MVK: variants seen among roughly 807,000 people sequenced by gnomAD.
MVK encodes LH receptor mRNA-binding protein.
Under a neutral mutation model 43.2 loss-of-function variants are expected in MVK, and 34 were observed. The ratio of observed to expected loss-of-function variants is 0.79; its 90% CI spans 0.60 to 1.05. The LOEUF (loss-of-function observed/expected upper bound fraction) is 1.05, where lower values mean the gene tolerates loss of function less well. Among genes scored for constraint, MVK ranks in the 50% least tolerant of loss-of-function variants. The pLI is 0.00. For synonymous variants in MVK, 190 were observed against 219.8 expected (o/e 0.86, Z 1.20); for missense variants, 395 against 504.0 (o/e 0.78, Z 2.07).
chr12:109,592,519 C>T (rs1192873312), intron 9 of MVK, among the ~76,000 whole-genome samples: 1 of 152,230 alleles, frequency 6.6e-6, no homozygotes, highest in African/African-American at 2.4e-5. Flanking sequence ...CTCCCGGTCC[C>T]CCGTGGGCAT....
In MVK at chr12:109,582,340, G is replaced by C. The variant is rs1215454625; in HGVS notation, c.527+790G>C. On this transcript the variant is annotated intron_variant, in intron 5 of 10. Coordinates refer to ENST00000228510, the MANE Select transcript of MVK (RefSeq NM_000431.4). ...TTTTTGTTTGTTTGTTTGTTTGTTT[G>C]TTTGTTTGTTTTTTGAGATGGAGTC... Among the ~76,000 whole-genome samples the C allele has an allele frequency of 2.0e-5, 3 of 151,936 alleles. No homozygotes were observed. In the South Asian group the frequency reaches 6.2e-4, roughly 32 times the overall value.
At chr12:109,573,767 A>G, upstream of MVK, 1 of 481,766 alleles carries the variant, frequency 2.1e-6, no homozygotes, top group South Asian at 2.1e-5. Flanking sequence ...CCTGAAGTAC[A>G]ACGCCTCCTC....
At chr12:109,584,772 C>T (rs1201581469) in intron 5 of MVK, among the ~76,000 whole-genome samples, 1 of 152,194 alleles carries the variant, frequency 6.6e-6, no homozygotes, top group Non-Finnish European at 1.5e-5. Flanking sequence ...GTAATCCCAG[C>T]TACTCGGGAG....
chr12:109,596,278 G>A (rs1322262490), intron 10 of MVK, 148 bp from the exon 11 acceptor site: 19 of 1,161,156 alleles, frequency 1.6e-5, no homozygotes, highest in Non-Finnish European at 2.2e-5. Flanking sequence ...AGGGGCTGCA[G>A]GTAACCTTGG....
In MVK at chr12:109,574,961, A is replaced by G. The variant is rs61940512; in HGVS notation, c.78+61A>G. On this transcript the variant is annotated intron_variant, in intron 2 of 10. Coordinates refer to ENST00000228510, the MANE Select transcript of MVK (RefSeq NM_000431.4). The stretch of plus-strand genomic sequence containing the variant: ...CCCTTCTCCCTGATGCTAATTTTGT[A>G]AGAAGGTAAAAGGACACCCTGAGGC... 137,392 of 1,500,248 alleles carry G rather than the reference A, an allele frequency of 0.092. 7,402 individuals are homozygous for G. Among genetic ancestry groups the G allele is most frequent in the African/African-American group, 0.24 (17,111 of 72,480 alleles). 92.9% of individuals were successfully genotyped at this position (1,500,248 alleles called of 1,614,324 possible).
intron 3 of MVK, chr12:109,579,246 C>T (rs1885102981): frequency 4.5e-6 from 2 of 440,558 alleles, no homozygotes; most frequent in Admixed American, 2.5e-5. Flanking sequence ...CTCAAGCGAT[C>T]CTCCTGCCTC....
At chr12:109,587,079 G>A in intron 7 of MVK, 2 of 464,754 alleles carry the variant, frequency 4.3e-6, no homozygotes, top group Non-Finnish European at 8.0e-6. Flanking sequence ...ATTCATTCCT[G>A]TATTTGCTTA....
chr12:109,586,028 C>G lies in MVK; in HGVS notation c.534C>G (p.Thr178=), dbSNP rs749860412. ...LKDGDCVNRW[T]KEDLELINKW... ...TGAACATCTGTGTCTTCAGGTGGACCAAGGAGGATTTGGAGCTAATTAACA... is the reference window on the plus strand; with the variant it reads ...TGAACATCTGTGTCTTCAGGTGGACGAAGGAGGATTTGGAGCTAATTAACA... Residue 178 remains threonine (T), a synonymous_variant, in exon 6 of 11, where the codon ACC becomes ACG. Coordinates refer to ENST00000228510, the MANE Select transcript of MVK (RefSeq NM_000431.4). The G allele has an allele frequency of 2.5e-6, 4 of 1,613,626 alleles. No individual in the cohort carries two copies. In the Admixed American group the frequency reaches 6.7e-5, roughly 27 times the overall value.
chr12:109,577,069 G>C (rs1201700755), intron 3 of MVK, among the ~76,000 whole-genome samples: 1 of 152,124 alleles, frequency 6.6e-6, no homozygotes, highest in African/African-American at 2.4e-5. Context: ...AAGATTGATA[G>C]AGACAGGGAG....
In MVK at chr12:109,587,141, G is replaced by T. The variant is rs573967254; in HGVS notation, c.677+342G>T. 7 of 342,504 alleles carry T rather than the reference G, an allele frequency of 2.0e-5. No homozygotes were observed. In the Admixed American group the frequency reaches 2.7e-4, roughly 13 times the overall value. The allele number at this position is 342,504 out of a possible 1,614,324, so 21.2% of individuals were successfully genotyped here. On this transcript the variant is annotated intron_variant, in intron 7 of 10. Transcript: ENST00000228510. ...GTTCCCGATGATGCTGCACTGGGGCGTAGGAATGGAGAGATGAAGCTTGGG... is the reference window on the plus strand; with the variant it reads ...GTTCCCGATGATGCTGCACTGGGGCTTAGGAATGGAGAGATGAAGCTTGGG...
At chr12:109,576,695 A>ACC (rs1243931012) in intron 3 of MVK, among the ~76,000 whole-genome samples, 2 of 152,042 alleles carry the variant, frequency 1.3e-5, no homozygotes, top group African/African-American at 4.8e-5. Flanking sequence ...ACATGTCGAA[A>ACC]CCATGTCTCT....
intron 9 of MVK, among the ~76,000 whole-genome samples, chr12:109,592,305 G>GCTC (rs1003341698): frequency 5.9e-5 from 9 of 152,212 alleles, no homozygotes; most frequent in African/African-American, 2.2e-4. Flanking sequence ...AAGAGCCCAG[G>GCTC]CTCCCCCTGG....
chr12:109,595,258 G>C lies in MVK; in HGVS notation c.1039+77G>C. 1 of 1,578,040 alleles carries C rather than the reference G, an allele frequency of 6.3e-7. No individual in the cohort carries two copies. Among genetic ancestry groups the C allele is most frequent in the Non-Finnish European group, 8.6e-7 (1 of 1,164,264 alleles). On this transcript the variant is annotated intron_variant, in intron 10 of 10. Transcript: ENST00000228510. This position sits in a 1 kb window ranked among gnomAD's most constrained non-coding sequence, Gnocchi z 5.9. ...TCCACCTGGAGAATTCCCTTGAAAG[G>C]AAAAAGAGACCTGGAAACAGGTCTC...
intron 7 of MVK, chr12:109,588,612 C>G (rs1046229542): frequency 1.7e-4 from 26 of 152,294 alleles, no homozygotes; most frequent in African/African-American, 6.3e-4. Context: ...AGTCACTTCT[C>G]CCAGACCTCC....
chr12:109,574,820 G>C lies in MVK; in HGVS notation c.-3G>C. The C allele has an allele frequency of 6.3e-7, 1 of 1,599,230 alleles. No homozygotes were observed. The highest frequency in any genetic ancestry group is 8.5e-7 in the Non-Finnish European group (1 of 1,172,204). On this transcript the variant is annotated 5_prime_UTR_variant, in exon 2 of 11. Transcript: ENST00000228510. ...GCTTTCCCTTTTAGGATTCCCAGGA[G>C]CCATGTTGTCAGAAGTCCTACTGGT...
Position 109,576,459 on chromosome 12 carries a change from A to C in MVK, c.226+314A>C, listed in dbSNP as rs370810480. ...ATGATAGAAAAGGTCTCGGGGGCAT[A>C]GACATCAGATTGGCAGTGGTGATTA... On this transcript the variant is annotated intron_variant, in intron 3 of 10. Coordinates refer to ENST00000228510, the MANE Select transcript of MVK (RefSeq NM_000431.4). 1.9e-3 allele frequency among the ~76,000 whole-genome samples: 289 copies of C among 152,314 alleles called. 4 individuals are homozygous for C. Among genetic ancestry groups the C allele is most frequent in the African/African-American group, 6.6e-3 (273 of 41,570 alleles).
chr12:109,580,644 T>C (rs999009382), intron 4 of MVK, among the ~76,000 whole-genome samples: 4 of 151,960 alleles, frequency 2.6e-5, no homozygotes, highest in Admixed American at 6.6e-5. Context: ...CTGGGTGGGG[T>C]GGGTACGTGG....
At chr12:109,590,681 A>G in intron 7 of MVK, 90 bp from the exon 8 acceptor site, 2 of 1,152,472 alleles carry the variant, frequency 1.7e-6, no homozygotes, top group Admixed American at 3.4e-5. Context: ...CCTCCGTATC[A>G]GGGTGGGCGG....
Position 109,595,316 on chromosome 12 carries a change from A to G in MVK, c.1039+135A>G. Reference sequence around the variant, plus strand: ...CTGTGTGGCCTTGGGCAAGTTAGTTAACCTCTGGTCTTTGCTTCCTCATTG... The same window carrying G: ...CTGTGTGGCCTTGGGCAAGTTAGTTGACCTCTGGTCTTTGCTTCCTCATTG... On this transcript the variant is annotated intron_variant, in intron 10 of 10. Coordinates refer to ENST00000228510, the MANE Select transcript of MVK (RefSeq NM_000431.4). The surrounding 1 kb of genome is among the most constrained non-coding windows in gnomAD (Gnocchi z 5.9). 3 of 1,112,782 alleles carry G rather than the reference A, an allele frequency of 2.7e-6. No individual in the cohort carries two copies. Among genetic ancestry groups the G allele is most frequent in the Middle Eastern group, 3.0e-4 (1 of 3,306 alleles). 68.9% of individuals were successfully genotyped at this position (1,112,782 alleles called of 1,614,324 possible).
Sources: allele counts gnomAD v4.1 joint callset (sites outside exome capture counted in the v4.1 genomes callset), GRCh38; gene constraint gnomAD v4.1.1; non-coding constraint Gnocchi (gnomAD v3.1); transcripts MANE v1.5; gene names NCBI Gene and HGNC (gene_info 2026-07-23, HGNC 2026-07-21).